GSK3B: variants seen among roughly 807,000 people sequenced by gnomAD.
GSK3B encodes the protein glycogen synthase kinase 3 beta, also known as glycogen synthase kinase-3 beta.
In GSK3B, 15 loss-of-function variants were observed where a neutral mutation model predicts 56.4. That is an observed-to-expected ratio of 0.27 (90% CI 0.18 to 0.41). GSK3B has a LOEUF of 0.41. Among genes scored for constraint, GSK3B ranks in the 10% least tolerant of loss-of-function variants. GSK3B has a pLI of 1.00. For synonymous variants in GSK3B, 181 were observed against 188.9 expected (o/e 0.96, Z 0.34); for missense variants, 300 against 513.4 (o/e 0.58, Z 4.02).
intron 1 of GSK3B, among the ~76,000 whole-genome samples, chr3:120,018,776 A>G (rs1441470711): frequency 1.3e-5 from 2 of 152,226 alleles, no homozygotes; most frequent in African/African-American, 4.8e-5. Flanking sequence ...GCTGATATAC[A>G]AAGCTACCTG....
At chr3:119,901,996 G>A (rs2108076735) in intron 7 of GSK3B, among the ~76,000 whole-genome samples, 1 of 151,488 alleles carries the variant, frequency 6.6e-6, no homozygotes, top group South Asian at 2.1e-4. Flanking sequence ...TGAAAAGAAA[G>A]CAGAAAAGAA....
At chr3:119,876,367 TTTAG>T (rs1356786046) in intron 8 of GSK3B, 42 bp downstream of exon 8, 2 of 975,920 alleles carry the variant, frequency 2.0e-6, no homozygotes, top group African/African-American at 1.6e-5. Flanking sequence ...AGAAACCTGT[TTTAG>T]TTAACTACTG....
At chr3:119,997,255 G>C (rs1353643157) in intron 2 of GSK3B, among the ~76,000 whole-genome samples, 1 of 152,140 alleles carries the variant, frequency 6.6e-6, no homozygotes, top group Admixed American at 6.5e-5. Context: ...AACCAACGGA[G>C]GAGGCAGTGT....
At chr3:119,929,686 T>C (rs1576207425) in intron 3 of GSK3B, among the ~76,000 whole-genome samples, 1 of 152,030 alleles carries the variant, frequency 6.6e-6, no homozygotes, top group African/African-American at 2.4e-5. Flanking sequence ...GCGGATCACC[T>C]GAGGTCTGGA....
chr3:120,066,099 C>T (rs1198347723), intron 1 of GSK3B, among the ~76,000 whole-genome samples: 3 of 152,088 alleles, frequency 2.0e-5, no homozygotes, highest in Non-Finnish European at 4.4e-5. Flanking sequence ...GTAGTCAATA[C>T]AACGCTATAT....
chr3:119,922,315 TATAC>T (rs890628582), intron 4 of GSK3B, among the ~76,000 whole-genome samples: 11 of 148,462 alleles, frequency 7.4e-5, no homozygotes, highest in African/African-American at 2.7e-4. Context: ...CATCCTTATC[TATAC>T]ATAAAGTATA....
chr3:119,872,589 G>A (rs1205784654), intron 8 of GSK3B, among the ~76,000 whole-genome samples: 5 of 152,172 alleles, frequency 3.3e-5, no homozygotes, highest in African/African-American at 9.7e-5. Flanking sequence ...ATGGAAATCA[G>A]GAGGTAGGAG....
At position 120,002,219 on chromosome 3, in the gene GSK3B, C is replaced by T; in HGVS notation, c.109G>A (p.Val37Met). 6.4e-7 allele frequency: 1 copy of T among 1,568,562 alleles called. No homozygotes were observed. The highest frequency in any genetic ancestry group is 8.6e-7 in the Non-Finnish European group (1 of 1,161,260). Residue 37 changes from valine to methionine, a missense_variant, in exon 2 of 11, where the codon GTG (valine) becomes ATG (methionine). By Grantham distance (21) the Val-to-Met change is conservative (BLOSUM62 1). This residue lies in a region of GSK3B where 53 missense variants were observed against 64.6 expected (regional missense o/e 0.82). Transcript: ENST00000264235. ...KVSRDKDGSK[V>M]TTVVATPGQG... Reference sequence around the variant, plus strand: ...CCAGGAGTTGCCACCACTGTTGTCACCTTGCTGCCGTCCTTGTCTCCTAAA... The same window carrying T: ...CCAGGAGTTGCCACCACTGTTGTCATCTTGCTGCCGTCCTTGTCTCCTAAA...
chr3:119,965,227 ATTT>A (rs772430757), intron 2 of GSK3B, among the ~76,000 whole-genome samples: 2 of 119,574 alleles, frequency 1.7e-5, no homozygotes, highest in Admixed American at 8.3e-5. Flanking sequence ...TAATTTTTGT[ATTT>A]TTTTTTTTTT....
At chr3:120,055,865 A>G (rs1201646624) in intron 1 of GSK3B, among the ~76,000 whole-genome samples, 1 of 152,254 alleles carries the variant, frequency 6.6e-6, no homozygotes, top group East Asian at 1.9e-4. Context: ...ATTTAAATTC[A>G]GCCATAAAAA....
chr3:119,939,416 T>C (rs1397111022), intron 3 of GSK3B, among the ~76,000 whole-genome samples: 2 of 152,198 alleles, frequency 1.3e-5, no homozygotes, highest in Non-Finnish European at 2.9e-5. Context: ...GATTGCCTGC[T>C]GCCATGTTAT....
intron 1 of GSK3B, among the ~76,000 whole-genome samples, chr3:120,057,922 T>A (rs1222248925): frequency 2.0e-5 from 3 of 152,024 alleles, no homozygotes; most frequent in Non-Finnish European, 2.9e-5. Context: ...TGTATTATGT[T>A]AAATACCACC....
chr3:119,981,273 C>A (rs2057458342), intron 2 of GSK3B, among the ~76,000 whole-genome samples: 1 of 152,256 alleles, frequency 6.6e-6, no homozygotes, highest in Middle Eastern at 3.2e-3. Context: ...CAGCTCCCAG[C>A]ATGATCGACG....
intron 2 of GSK3B, among the ~76,000 whole-genome samples, chr3:119,967,645 G>C (rs900132580): frequency 2.6e-5 from 4 of 152,092 alleles, no homozygotes; most frequent in African/African-American, 4.8e-5. Flanking sequence ...TATAACAAAA[G>C]AATAGATTTT....
chr3:119,960,151 C>CAAAAAAAAAAAAAAAAAAAA (rs574956694), intron 2 of GSK3B, among the ~76,000 whole-genome samples: 2 of 74,646 alleles, frequency 2.7e-5, no homozygotes, highest in Non-Finnish European at 5.0e-5. Flanking sequence ...TATGCTGAGA[C>CAAAAAAAAAAAAAAAAAAAA]AAAAAAAAAA....
chr3:119,963,625 CAAAAAAAAA>C (rs774359104), intron 2 of GSK3B, among the ~76,000 whole-genome samples: 68 of 79,180 alleles, frequency 8.6e-4, no homozygotes, highest in African/African-American at 2.6e-3. Flanking sequence ...TTCTTCCCCA[CAAAAAAAAA>C]AAAAAAAAAA....
intron 3 of GSK3B, among the ~76,000 whole-genome samples, chr3:119,943,440 A>G (rs1246245155): frequency 1.3e-5 from 2 of 152,224 alleles, no homozygotes; most frequent in Non-Finnish European, 1.5e-5. Flanking sequence ...TCTTTATGAG[A>G]TCATAAATAA....
intron 1 of GSK3B, among the ~76,000 whole-genome samples, chr3:120,017,888 A>G (rs1469453891): frequency 1.3e-5 from 2 of 152,238 alleles, no homozygotes; most frequent in African/African-American, 2.4e-5. Flanking sequence ...TTTGGAAACT[A>G]AAGTCTGAAA....
rs67194724 is a variant in GSK3B at position 119,869,223 on chromosome 3, C to CAAAAAAA, written c.910-5625_910-5619dup. ...TGGGCAACAGATCAAGATTCCATCT[C>CAAAAAAA]AAAAAAAAAAAAAAAAAAAAAAACA... On this transcript the variant is annotated intron_variant, in intron 8 of 10. Coordinates refer to ENST00000264235, the MANE Select transcript of GSK3B (RefSeq NM_001146156.2). 6.9e-3 allele frequency among the ~76,000 whole-genome samples: 376 copies of CAAAAAAA among 54,614 alleles called. 61 individuals are homozygous for CAAAAAAA. The Middle Eastern group carries it at 0.087, about 13-fold the overall frequency. The allele number at this position is 54,614 out of a possible 152,430, so 35.8% of individuals were successfully genotyped here. A position where few individuals can be genotyped will look rare whatever the true frequency, so the allele number is the denominator to read the frequency against.
Sources: gnomAD v4.1 joint callset for allele counts (sites outside exome capture counted in the v4.1 genomes callset) on GRCh38, gnomAD v4.1.1 for gene constraint, gnomAD v4.1.1 regional missense constraint, MANE v1.5 for transcripts, NCBI Gene and HGNC (gene_info 2026-07-23, HGNC 2026-07-21) for gene names.